The following MT1H variants were observed in gnomAD, a reference collection of about 807,000 sequenced individuals.
MT1H encodes the protein metallothionein 1H.
A neutral mutation model predicts 8.7 loss-of-function variants in MT1H; 8 were observed. The ratio of observed to expected loss-of-function variants is 0.92; its 90% CI spans 0.54 to 1.66. MT1H has a LOEUF of 1.66. Among genes scored for constraint, MT1H ranks in the 40% most tolerant of loss-of-function variants. The probability of loss-of-function intolerance (pLI) is 0.00; values close to 1 mark genes in which losing one functional copy is unlikely to be tolerated. For missense variants in MT1H, 84 were observed against 75.2 expected, an observed-to-expected ratio of 1.12 and a Z score of -0.43; for synonymous variants, 32 against 28.9, an observed-to-expected ratio of 1.11 and a Z score of -0.34.
In MT1H at chr16:56,669,964, T is replaced by C. The variant is rs550395313; in HGVS notation, c.28+52T>C. On this transcript the variant is annotated intron_variant, in intron 1 of 2. Transcript: ENST00000332374. Reference sequence around the variant, plus strand: ...TAGGATGCCAAATTCCCAGACACCATAGAGAGTGTCCCTGGGTTTGAGGAG... The same window carrying C: ...TAGGATGCCAAATTCCCAGACACCACAGAGAGTGTCCCTGGGTTTGAGGAG... 2.6e-5 allele frequency: 42 copies of C among 1,612,192 alleles called. 1 individual carries two copies. The East Asian group carries it at 8.7e-4, about 33-fold the overall frequency.
chr16:56,670,523 G>A lies in MT1H; in HGVS notation c.46G>A (p.Ala16Thr), dbSNP rs140442334. Reference protein sequence around the residue: ...SCEAGGSCACAGSCKCKKCKC... With the variant: ...SCEAGGSCACTGSCKCKKCKC... ...CCTTGCAGGTGGCTCCTGCGCCTGC[G>A]CCGGCTCCTGCAAGTGCAAAAAGTG... is the stretch of plus-strand genomic sequence containing the variant. Residue 16 changes from alanine (A) to threonine (T), a missense_variant, in exon 2 of 3, where the codon GCC becomes ACC. By Grantham distance (58) the Ala-to-Thr change is moderately conservative (BLOSUM62 0). Coordinates refer to ENST00000332374, the MANE Select transcript of MT1H (RefSeq NM_005951.2). 278 of 1,614,246 alleles carry A rather than the reference G, an allele frequency of 1.7e-4. 1 individual carries two copies. The East Asian group carries it at 5.5e-3, about 32-fold the overall frequency.
rs747878120 is a variant in MT1H at position 56,670,983 on chromosome 16, T to C, written c.180T>C (p.Cys60=). 1.2e-6 allele frequency: 2 copies of C among 1,614,184 alleles called. No homozygotes were observed. Among genetic ancestry groups the C allele is most frequent in the African/African-American group, 1.3e-5 (1 of 75,064 alleles). Reference sequence around the variant, plus strand: ...GGGCGTCAGAGAAGTGCAGCTGCTGTGCCTGATGTCGGGACAGCCCTGCTG... The same window carrying C: ...GGGCGTCAGAGAAGTGCAGCTGCTGCGCCTGATGTCGGGACAGCCCTGCTG... The part of the protein sequence containing the change: ...CKGASEKCSC[C]A The change falls in exon 3 of 3, where the codon TGT becomes TGC. Residue 60 remains cysteine (C), a synonymous_variant. Transcript: ENST00000332374.
intron 1 of MT1H, 32 bp downstream of exon 1, chr16:56,669,944 T>G: frequency 6.2e-7 from 1 of 1,613,808 alleles, no homozygotes; most frequent in Non-Finnish European, 8.5e-7. Context: ...TGCCTTAGGA[T>G]GCCAAATTCC....
At position 56,671,033 on chromosome 16, in the gene MT1H, A is replaced by G. The variant is rs1322753517; in HGVS notation, c.*44A>G. The G allele has an allele frequency of 6.9e-6, 11 of 1,587,170 alleles. No homozygotes were observed. The highest frequency in any genetic ancestry group is 1.4e-5 in the African/African-American group (1 of 73,048). ...GTCAGATGAAAACAGAATGACACGT[A>G]AAATCCAGGATTTTTTTTTTCTACA... On this transcript the variant is annotated 3_prime_UTR_variant, in exon 3 of 3. Coordinates refer to ENST00000332374, the MANE Select transcript of MT1H (RefSeq NM_005951.2).
intron 2 of MT1H, 144 bp from the exon 3 acceptor site, chr16:56,670,754 C>T (rs1370811681): frequency 1.9e-5 from 29 of 1,489,080 alleles, no homozygotes; most frequent in African/African-American, 2.8e-5. Flanking sequence ...ACCCCAATAT[C>T]CACCAGTCGT....
chr16:56,670,762 C>A (rs777465225), intron 2 of MT1H, 136 bp from the exon 3 acceptor site: 3 of 1,497,012 alleles, frequency 2.0e-6, no homozygotes, highest in Non-Finnish European at 2.8e-6. Context: ...ATCCACCAGT[C>A]GTCTCCTGAA....
chr16:56,670,060 C>T, intron 1 of MT1H, 148 bp downstream of exon 1: 1 of 1,154,718 alleles, frequency 8.7e-7, no homozygotes, highest in African/African-American at 1.6e-5. Flanking sequence ...GGCCAAGCTC[C>T]TGAGAGCATG....
At chr16:56,670,479 C>A (rs533414683) in intron 1 of MT1H, 27 bp from the exon 2 acceptor site, 13 of 1,614,148 alleles carry the variant, frequency 8.1e-6, no homozygotes, top group African/African-American at 5.3e-5. Flanking sequence ...TCACTCACAA[C>A]ACACTGGCTT....
intron 2 of MT1H, 159 bp downstream of exon 2, chr16:56,670,730 T>C: frequency 6.6e-7 from 1 of 1,504,988 alleles, no homozygotes; most frequent in Non-Finnish European, 9.1e-7. Flanking sequence ...GGGCAGTCTC[T>C]CATAGGAAGA....
In MT1H at chr16:56,669,925, C is replaced by G; in HGVS notation, c.28+13C>G. ...TCCTGCGAGGCTGGTAAGGAACGCC[C>G]GGGTTCTGTGCCTTAGGATGCCAAA... On this transcript the variant is annotated intron_variant, in intron 1 of 2. Transcript: ENST00000332374. 6.2e-7 allele frequency: 1 copy of G among 1,613,844 alleles called. No homozygotes were observed. The highest frequency in any genetic ancestry group is 8.5e-7 in the Non-Finnish European group (1 of 1,179,994).
intron 1 of MT1H, 141 bp downstream of exon 1, chr16:56,670,053 C>A: frequency 1.6e-6 from 2 of 1,229,790 alleles, no homozygotes; most frequent in Non-Finnish European, 2.3e-6. Context: ...TCCTCTTGGC[C>A]AAGCTCCTGA....
In MT1H at chr16:56,670,934, G is replaced by A. The variant is rs1362340268; in HGVS notation, c.131G>A (p.Cys44Tyr). 7.4e-6 allele frequency: 12 copies of A among 1,614,118 alleles called. No homozygotes were observed. Among genetic ancestry groups the A allele is most frequent in the Admixed American group, 1.7e-5 (1 of 60,012 alleles). Residue 44 changes from cysteine to tyrosine, a missense_variant, in exon 3 of 3, where the codon TGT becomes TAT. By Grantham distance (194) the Cys-to-Tyr change is radical. Transcript: ENST00000332374. ...CSCCPLGCAK[C>Y]AQGCICKGAS... ...TGTTGCCCCCTGGGCTGTGCCAAGT[G>A]TGCCCAGGGCTGCATCTGCAAAGGG...
chr16:56,670,912 T>A lies in MT1H; in HGVS notation c.109T>A (p.Cys37Ser). 1 of 1,614,190 alleles carries A rather than the reference T, an allele frequency of 6.2e-7. No homozygotes were observed. Among genetic ancestry groups the A allele is most frequent in the Middle Eastern group, 1.6e-4 (1 of 6,062 alleles). Residue 37 changes from cysteine (C) to serine (S), a missense_variant, in exon 3 of 3, where the codon TGC becomes AGC. Cys to Ser is a moderately radical substitution (Grantham distance 112). Transcript: ENST00000332374. ...TTTTTCCCCAGGCTGCTGCTCCTGT[T>A]GCCCCCTGGGCTGTGCCAAGTGTGC... The part of the protein sequence containing the change: ...TSCKKSCCSC[C>S]PLGCAKCAQG...
At position 56,670,997 on chromosome 16, in the gene MT1H, A is replaced by T; in HGVS notation, c.*8A>T. On this transcript the variant is annotated 3_prime_UTR_variant, in exon 3 of 3. Coordinates refer to ENST00000332374, the MANE Select transcript of MT1H (RefSeq NM_005951.2). ...TGCAGCTGCTGTGCCTGATGTCGGG[A>T]CAGCCCTGCTGTCAGATGAAAACAG... 6.2e-7 allele frequency: 1 copy of T among 1,613,886 alleles called. No homozygotes were observed. The highest frequency in any genetic ancestry group is 8.5e-7 in the Non-Finnish European group (1 of 1,179,976).
chr16:56,670,712 G>T (rs1960860217), intron 2 of MT1H, 141 bp downstream of exon 2: 2 of 1,541,670 alleles, frequency 1.3e-6, no homozygotes, highest in Non-Finnish European at 1.8e-6. Flanking sequence ...CAGGGCTCCT[G>T]TGGGGCTGGG....
Position 56,670,177 on chromosome 16 carries a change from C to A in MT1H, c.28+265C>A, listed in dbSNP as rs542636922. ...CGAGGCTGCTGGCTGAGCCCCAATTCTCTAACCAGGCTCTGAGCAGCCGGA... is the reference window on the plus strand; with the variant it reads ...CGAGGCTGCTGGCTGAGCCCCAATTATCTAACCAGGCTCTGAGCAGCCGGA... On this transcript the variant is annotated intron_variant, in intron 1 of 2. Coordinates refer to ENST00000332374, the MANE Select transcript of MT1H (RefSeq NM_005951.2). Among the ~76,000 whole-genome samples the A allele has an allele frequency of 2.0e-5, 3 of 152,330 alleles. No individual in the cohort carries two copies. In the East Asian group the frequency reaches 5.8e-4, roughly 29 times the overall value.
chr16:56,670,417 C>G, intron 1 of MT1H, 89 bp from the exon 2 acceptor site: 2 of 1,587,960 alleles, frequency 1.3e-6, no homozygotes, highest in Non-Finnish European at 1.7e-6. Context: ...TGGCCCTGAA[C>G]AGAGAAGGGG....
chr16:56,670,148 G>A (rs1960852292), intron 1 of MT1H, among the ~76,000 whole-genome samples: 1 of 152,174 alleles, frequency 6.6e-6, no homozygotes, highest in Non-Finnish European at 1.5e-5. Flanking sequence ...CACCCCGTTG[G>A]TCACGAGGCT....
Position 56,671,051 on chromosome 16 carries a change from T to C in MT1H, c.*62T>C. On this transcript the variant is annotated 3_prime_UTR_variant, in exon 3 of 3. Transcript: ENST00000332374. ...GACACGTAAAATCCAGGATTTTTTTTTTCTACAACTCCGACTCATTTGCTA... is the reference window on the plus strand; with the variant it reads ...GACACGTAAAATCCAGGATTTTTTTCTTCTACAACTCCGACTCATTTGCTA... 1 of 1,575,144 alleles carries C rather than the reference T, an allele frequency of 6.3e-7. No homozygotes were observed. The highest frequency in any genetic ancestry group is 8.6e-7 in the Non-Finnish European group (1 of 1,162,332).
Sources: gnomAD v4.1 joint callset for allele counts (sites outside exome capture counted in the v4.1 genomes callset) on GRCh38, gnomAD v4.1.1 for gene constraint, MANE v1.5 for transcripts, NCBI Gene and HGNC (gene_info 2026-07-23, HGNC 2026-07-21) for gene names.